Variants in PLPP3 observed in about 807,000 individuals in gnomAD.
PLPP3 encodes the protein PAP2 beta.
A neutral mutation model predicts 29.6 loss-of-function variants in PLPP3; 6 were observed. That is an observed-to-expected ratio of 0.20 (90% CI 0.11 to 0.40). The LOEUF is 0.40. PLPP3 is among the 10% of genes least tolerant of loss of function. PLPP3 has a pLI of 1.00. For synonymous variants in PLPP3, 152 were observed against 159.7 expected, an observed-to-expected ratio of 0.95 and a Z score of 0.36; for missense variants, 308 against 407.7, an observed-to-expected ratio of 0.76 and a Z score of 2.11.
intron 5 of PLPP3, among the ~76,000 whole-genome samples, chr1:56,507,494 C>T (rs1645711483): frequency 6.6e-6 from 1 of 152,008 alleles, no homozygotes; most frequent in South Asian, 2.1e-4. Flanking sequence ...TTAAGGCACC[C>T]ACAATCTAGC....
intron 4 of PLPP3, chr1:56,512,369 C>A: frequency 2.1e-6 from 1 of 468,342 alleles, no homozygotes; most frequent in Non-Finnish European, 3.7e-6. Context: ...CCCAGCACTT[C>A]GTGTGGCTGA....
Position 56,507,269 on chromosome 1 carries a change from T to C in PLPP3, c.810+4707A>G, listed in dbSNP as rs368233288. Reference sequence around the variant, plus strand: ...AGTTACTACAAAGTCAGCTGTGCCATAGAATGTCTGTGCACAAAGGTCATG... The same window carrying C: ...AGTTACTACAAAGTCAGCTGTGCCACAGAATGTCTGTGCACAAAGGTCATG... On this transcript the variant is annotated intron_variant, in intron 5 of 5. Coordinates refer to ENST00000371250, the MANE Select transcript of PLPP3 (RefSeq NM_003713.5). 2.0e-4 allele frequency among the ~76,000 whole-genome samples: 31 copies of C among 152,312 alleles called. 3 individuals are homozygous for C. The highest frequency in any genetic ancestry group is 1.9e-3 in the East Asian group (10 of 5,182).
rs367613181 is a variant in PLPP3 at position 56,524,474 on chromosome 1, G to C, written c.378C>G (p.Leu126=). 4 of 1,614,122 alleles carry C rather than the reference G, an allele frequency of 2.5e-6. No individual in the cohort carries two copies. The highest frequency in any genetic ancestry group is 3.4e-6 in the Non-Finnish European group (4 of 1,179,962). Residue 126 remains leucine, a synonymous_variant, in exon 3 of 6, where the codon CTC becomes CTG. Coordinates refer to ENST00000371250, the MANE Select transcript of PLPP3 (RefSeq NM_003713.5). This position sits in a 1 kb window ranked among gnomAD's most constrained non-coding sequence, Gnocchi z 4.3. Reference sequence around the variant, plus strand: ...AGAGGAAGCAGCCCACTTGCTTATAGAGTGCTGCCACGTAGGGGTTCTGAA... The same window carrying C: ...AGAGGAAGCAGCCCACTTGCTTATACAGTGCTGCCACGTAGGGGTTCTGAA... The part of the protein sequence containing the change: ...STIQNPYVAA[L]YKQVGCFLFG...
intron 5 of PLPP3, among the ~76,000 whole-genome samples, chr1:56,506,851 C>A (rs757274855): frequency 6.6e-6 from 1 of 152,094 alleles, no homozygotes; most frequent in South Asian, 2.1e-4. Flanking sequence ...GTTCTGAGTA[C>A]GATTGGGTCT....
At chr1:56,570,823 G>C (rs1398425210) in intron 1 of PLPP3, among the ~76,000 whole-genome samples, 3 of 152,052 alleles carry the variant, frequency 2.0e-5, no homozygotes, top group Admixed American at 1.3e-4. Flanking sequence ...TACATCATTT[G>C]AAAAAGGTGG....
At chr1:56,528,407 T>A (rs1759753) in intron 2 of PLPP3, among the ~76,000 whole-genome samples, 14,074 of 152,106 alleles carry the variant, frequency 0.093, 874 homozygotes, top group Middle Eastern at 0.13. Context: ...GAAGAAAAAT[T>A]AGGATAGATT....
chr1:56,572,524 ACCACCAAAGC>A (rs1365337948), intron 1 of PLPP3, among the ~76,000 whole-genome samples: 1 of 152,140 alleles, frequency 6.6e-6, no homozygotes, highest in African/African-American at 2.4e-5. Flanking sequence ...GAAGAATGCA[ACCACCAAAGC>A]CTATTGAGGT....
chr1:56,514,747 G>T (rs775189268), intron 4 of PLPP3, among the ~76,000 whole-genome samples: 3 of 152,134 alleles, frequency 2.0e-5, no homozygotes, highest in Non-Finnish European at 4.4e-5. Context: ...TGTAAGCAAT[G>T]GTGAAAAATT....
intron 5 of PLPP3, among the ~76,000 whole-genome samples, chr1:56,498,696 C>T (rs189190544): frequency 5.9e-5 from 9 of 151,732 alleles, no homozygotes; most frequent in Admixed American, 6.6e-5. Context: ...TGCAGTGGCA[C>T]GATCTCAGCT....
rs1645931068 is a variant in PLPP3, at chr1:56,536,952, T to C, written c.297+3A>G. ...TCCACCATAGCAGAGTCTGGACACT[T>C]ACCGCGAGGATGGCAATGACGATCC... is the stretch of plus-strand genomic sequence containing the variant. On this transcript the variant is annotated splice_donor_region_variant and intron_variant, in intron 2 of 5. Coordinates refer to ENST00000371250, the MANE Select transcript of PLPP3 (RefSeq NM_003713.5). 6.2e-7 allele frequency: 1 copy of C among 1,613,576 alleles called. No individual in the cohort carries two copies. Among genetic ancestry groups the C allele is most frequent in the Non-Finnish European group, 8.5e-7 (1 of 1,179,686 alleles).
At chr1:56,497,354 C>T (rs11206831) in intron 5 of PLPP3, among the ~76,000 whole-genome samples, 25,972 of 152,140 alleles carry the variant, frequency 0.17, 2,811 homozygotes, top group South Asian at 0.24. Context: ...TATTGAGTGC[C>T]ACTTGCAAAG....
intron 1 of PLPP3, among the ~76,000 whole-genome samples, chr1:56,543,197 A>G (rs894627361): frequency 3.3e-5 from 5 of 152,306 alleles, no homozygotes; most frequent in South Asian, 2.1e-4. Flanking sequence ...TATTCAAAAT[A>G]TAGACTGAAG....
Position 56,537,107 on chromosome 1 carries a change from G to A in PLPP3, c.145C>T (p.Leu49Phe), listed in dbSNP as rs1645932866. 1 of 1,613,354 alleles carries A rather than the reference G, an allele frequency of 6.2e-7. No homozygotes were observed. The highest frequency in any genetic ancestry group is 1.3e-5 in the African/African-American group (1 of 74,796). Reference protein sequence around the residue: ...LDLFCLFMAGLPFLIIETSTI... With the variant: ...LDLFCLFMAGFPFLIIETSTI... The stretch of plus-strand genomic sequence containing the variant: ...CTTGTCTCGATGATGAGGAAGGGGA[G>A]GCCCGCTGGTCCAGGTGGAACCATG... The change falls in exon 2 of 6, where the codon CTC becomes TTC. Residue 49 changes from leucine (L) to phenylalanine (F), a missense_variant. Leu to Phe is a conservative substitution (Grantham distance 22). This residue lies in a region of PLPP3 where 9 missense variants were observed against 29.3 expected (regional missense o/e 0.31). Transcript: ENST00000371250.
At chr1:56,519,295 T>C (rs938465318) in intron 4 of PLPP3, among the ~76,000 whole-genome samples, 4 of 152,156 alleles carry the variant, frequency 2.6e-5, no homozygotes, top group African/African-American at 9.7e-5. Flanking sequence ...CTACCTCTAC[T>C]GCCACTCTCT....
intron 1 of PLPP3, among the ~76,000 whole-genome samples, chr1:56,560,563 G>A (rs1482704455): frequency 6.6e-6 from 1 of 152,088 alleles, no homozygotes; most frequent in Non-Finnish European, 1.5e-5. Context: ...TGATGGAAGG[G>A]CAGAGGGGCT....
chr1:56,503,716 CCTG>C (rs1645683641), intron 5 of PLPP3, among the ~76,000 whole-genome samples: 1 of 152,178 alleles, frequency 6.6e-6, no homozygotes, highest in African/African-American at 2.4e-5. Flanking sequence ...ACCTGTGGTT[CCTG>C]TAAGGCTTAC....
At chr1:56,551,487 G>A (rs1247827183) in intron 1 of PLPP3, among the ~76,000 whole-genome samples, 1 of 152,138 alleles carries the variant, frequency 6.6e-6, no homozygotes, top group Non-Finnish European at 1.5e-5. Flanking sequence ...TGGCAGAAGA[G>A]ATGGCGTGGT....
chr1:56,497,519 G>A (rs1370075575), intron 5 of PLPP3, among the ~76,000 whole-genome samples: 1 of 152,198 alleles, frequency 6.6e-6, no homozygotes, highest in Admixed American at 6.5e-5. Context: ...AGCAACAGGA[G>A]TTTTTACTAA....
chr1:56,530,236 A>T (rs1464513404), intron 2 of PLPP3, among the ~76,000 whole-genome samples: 1 of 151,898 alleles, frequency 6.6e-6, no homozygotes, highest in Non-Finnish European at 1.5e-5. Flanking sequence ...TACCCAATAA[A>T]TGTGGGTCTT....
Sources: allele counts gnomAD v4.1 joint callset (sites outside exome capture counted in the v4.1 genomes callset), GRCh38; gene constraint gnomAD v4.1.1; regional missense constraint gnomAD v4.1.1; non-coding constraint Gnocchi (gnomAD v3.1); transcripts MANE v1.5; gene names NCBI Gene and HGNC (gene_info 2026-07-23, HGNC 2026-07-21).